The following IGSF10 variants were observed in gnomAD, a reference collection of about 807,000 sequenced individuals.
IGSF10 encodes the protein calvaria mechanical force protein 608.
Under a neutral mutation model 128.2 loss-of-function variants are expected in IGSF10, and 126 were observed. The observed-to-expected ratio is 0.98, with a 90% CI of 0.85 to 1.14. The LOEUF (loss-of-function observed/expected upper bound fraction) is 1.14. Among genes scored for constraint, IGSF10 ranks in the 50% most tolerant of loss-of-function variants. IGSF10 has a pLI of 0.00. For synonymous variants in IGSF10, 1,185 were observed against 1,146.2 expected (o/e 1.03, Z -0.68); for missense variants, 3,295 against 3,149.8 (o/e 1.05, Z -1.10).
the IGSF10 span, among the ~76,000 whole-genome samples, chr3:151,565,553 G>A: frequency 6.6e-6 from 1 of 152,136 alleles, no homozygotes; most frequent in South Asian, 2.1e-4. Flanking sequence ...TTCAAATTAT[G>A]AAGTTCAAGC....
At chr3:151,583,901 A>G in the IGSF10 span, among the ~76,000 whole-genome samples, 1 of 152,152 alleles carries the variant, frequency 6.6e-6, no homozygotes, top group South Asian at 2.1e-4. Flanking sequence ...CTATTTTTGT[A>G]AATGTACACT....
At chr3:151,534,796 A>AGTATAT in the IGSF10 span, among the ~76,000 whole-genome samples, 2 of 129,350 alleles carry the variant, frequency 1.5e-5, no homozygotes, top group East Asian at 2.6e-4. Context: ...CAGAATTTAA[A>AGTATAT]GTGTATGTGT....
the IGSF10 span, among the ~76,000 whole-genome samples, chr3:151,603,246 T>A: frequency 6.6e-6 from 1 of 152,326 alleles, no homozygotes; most frequent in African/African-American, 2.4e-5. Flanking sequence ...GTTCTTTCTG[T>A]TCTGTAGGCC....
At chr3:151,458,015 C>T (rs916196924) in intron 3 of IGSF10, among the ~76,000 whole-genome samples, 2 of 151,578 alleles carry the variant, frequency 1.3e-5, no homozygotes, top group African/African-American at 4.9e-5. Flanking sequence ...TTTTCATGAA[C>T]GTTTAAAATA....
chr3:151,518,663 T>C, the IGSF10 span, among the ~76,000 whole-genome samples: 1 of 151,844 alleles, frequency 6.6e-6, no homozygotes, highest in African/African-American at 2.4e-5. Context: ...CATAGGACTT[T>C]ATCTGCATGT....
chr3:151,463,236 T>G (rs1477135169), upstream of IGSF10, among the ~76,000 whole-genome samples: 2 of 152,230 alleles, frequency 1.3e-5, no homozygotes, highest in Non-Finnish European at 2.9e-5. Context: ...CTTCCAGAAT[T>G]ATTAGAAACC....
the IGSF10 span, among the ~76,000 whole-genome samples, chr3:151,596,334 C>T: frequency 5.9e-5 from 9 of 151,924 alleles, no homozygotes; most frequent in African/African-American, 2.2e-4. Flanking sequence ...TAATTAGATG[C>T]GTCAGACATA....
chr3:151,561,242 T>G, the IGSF10 span, among the ~76,000 whole-genome samples: 15 of 152,178 alleles, frequency 9.9e-5, no homozygotes, highest in Admixed American at 4.6e-4. Flanking sequence ...TAATTTTTTC[T>G]TTAAAACAAA....
Position 151,437,112 on chromosome 3 carries a change from G to GTATT in IGSF10, c.7445_7448dup (p.Tyr2483Ter). ...CTAAGGTGCCATTGTCATGCAATAT[G>GTATT]TATTTCCCATTAATTTGAGGCCTGT... On this transcript the variant is annotated stop_gained and frameshift_variant, in exon 8 of 8. Transcript: ENST00000282466. LOFTEE classifies it low-confidence loss of function (END_TRUNC). 5.0e-6 allele frequency: 8 copies of GTATT among 1,614,134 alleles called. No homozygotes were observed. Among genetic ancestry groups the GTATT allele is most frequent in the Non-Finnish European group, 5.9e-6 (7 of 1,180,008 alleles).
In IGSF10 at chr3:151,436,830, CCTCT is replaced by C; in HGVS notation, c.7727_7730del (p.Glu2576GlyfsTer14). The C allele has an allele frequency of 6.2e-7, 1 of 1,614,180 alleles. No individual in the cohort carries two copies. The highest frequency in any genetic ancestry group is 8.5e-7 in the Non-Finnish European group (1 of 1,180,022). ...AGTGAAGCTGCTCACTTCCATGTGT[CCTCT>C]CTTTACTTGCCGTTGAGAGAAGGGA... On this transcript the variant is annotated frameshift_variant, in exon 8 of 8. Coordinates refer to ENST00000282466, the MANE Select transcript of IGSF10 (RefSeq NM_178822.5). LOFTEE classifies it low-confidence loss of function (END_TRUNC).
chr3:151,565,009 T>C, the IGSF10 span, among the ~76,000 whole-genome samples: 70 of 152,180 alleles, frequency 4.6e-4, no homozygotes, highest in Non-Finnish European at 8.8e-4. Flanking sequence ...AAGTAACTTG[T>C]GCAAGATCAC....
chr3:151,570,625 T>C, the IGSF10 span, among the ~76,000 whole-genome samples: 1 of 152,236 alleles, frequency 6.6e-6, no homozygotes, highest in African/African-American at 2.4e-5. Context: ...TTGTAGATTC[T>C]GGATATGAGC....
chr3:151,433,972 C>T (rs1383613660), downstream of IGSF10: 1 of 152,372 alleles, frequency 6.6e-6, no homozygotes, highest in African/African-American at 2.4e-5. Context: ...TAATTTGCTC[C>T]TATTAGAGTA....
chr3:151,578,707 G>C, the IGSF10 span, among the ~76,000 whole-genome samples: 1 of 152,124 alleles, frequency 6.6e-6, no homozygotes, highest in African/African-American at 2.4e-5. Context: ...AAGCCACTAG[G>C]GGCAGGACAA....
the IGSF10 span, among the ~76,000 whole-genome samples, chr3:151,488,166 G>A: frequency 1.3e-5 from 2 of 152,022 alleles, no homozygotes; most frequent in Non-Finnish European, 2.9e-5. Context: ...AAAATCACAA[G>A]CATTCCTATA....
chr3:151,480,004 C>T, the IGSF10 span, among the ~76,000 whole-genome samples: 1 of 151,356 alleles, frequency 6.6e-6, no homozygotes, highest in East Asian at 1.9e-4. Context: ...TTATCACACA[C>T]ATCTATTCAG....
chr3:151,482,352 G>C, the IGSF10 span, among the ~76,000 whole-genome samples: 1 of 152,062 alleles, frequency 6.6e-6, no homozygotes, highest in African/African-American at 2.4e-5. Context: ...AAAGAGACCG[G>C]TATCATTAAA....
chr3:151,579,464 C>T, the IGSF10 span, among the ~76,000 whole-genome samples: 1 of 151,918 alleles, frequency 6.6e-6, no homozygotes, highest in Non-Finnish European at 1.5e-5. Context: ...AGGTGGATAA[C>T]ATTCAAGAAA....
At chr3:151,570,663 A>G in the IGSF10 span, among the ~76,000 whole-genome samples, 1 of 151,872 alleles carries the variant, frequency 6.6e-6, no homozygotes, top group Non-Finnish European at 1.5e-5. Flanking sequence ...GATTGCAAAA[A>G]TTTTCTCCCA....
Sources: allele counts gnomAD v4.1 joint callset (sites outside exome capture counted in the v4.1 genomes callset), GRCh38; gene constraint gnomAD v4.1.1; transcripts MANE v1.5; gene names NCBI Gene and HGNC (gene_info 2026-07-23, HGNC 2026-07-21).